The following MSRA variants were observed in gnomAD, a reference collection of about 807,000 sequenced individuals.
The protein encoded by MSRA is methionine sulfoxide reductase A, also known as mitochondrial peptide methionine sulfoxide reductase.
In MSRA, 54 loss-of-function variants were observed where a neutral mutation model predicts 31.3. That is an observed-to-expected ratio of 1.73 (90% CI 1.39 to 2.17). The LOEUF (loss-of-function observed/expected upper bound fraction) is 2.17, where lower values mean the gene tolerates loss of function less well. Ranked by LOEUF, MSRA falls within the 30% of genes most tolerant of loss-of-function variation. The pLI, the probability that MSRA is intolerant of heterozygous loss-of-function variation, is 0.00. For synonymous variants in MSRA, 169 were observed against 116.5 expected (o/e 1.45, Z -2.90); for missense variants, 507 against 300.9 (o/e 1.69, Z -5.07).
At chr8:10,118,849 A>G (rs1330533838) in intron 1 of MSRA, among the ~76,000 whole-genome samples, 1 of 152,192 alleles carries the variant, frequency 6.6e-6, no homozygotes, top group Non-Finnish European at 1.5e-5. Flanking sequence ...TTGTGCTAGA[A>G]CATGTAGGAT....
At chr8:10,298,893 T>A (rs1399705447) in intron 3 of MSRA, among the ~76,000 whole-genome samples, 1 of 152,160 alleles carries the variant, frequency 6.6e-6, no homozygotes, top group African/African-American at 2.4e-5. Context: ...TTAGTTGAAG[T>A]TATACCTTTG....
At chr8:10,222,251 T>C (rs1254175625) in intron 2 of MSRA, among the ~76,000 whole-genome samples, 1 of 152,198 alleles carries the variant, frequency 6.6e-6, no homozygotes, top group Admixed American at 6.5e-5. Context: ...TAGGCCTTTA[T>C]AGACCTTCTC....
intron 1 of MSRA, among the ~76,000 whole-genome samples, chr8:10,158,716 G>A (rs896339891): frequency 6.6e-6 from 1 of 152,126 alleles, no homozygotes; most frequent in Non-Finnish European, 1.5e-5. Context: ...TTTTTGTGTA[G>A]ACACGTTTTC....
At chr8:10,192,523 G>A (rs1807598106) in intron 1 of MSRA, among the ~76,000 whole-genome samples, 1 of 152,246 alleles carries the variant, frequency 6.6e-6, no homozygotes, top group East Asian at 1.9e-4. Flanking sequence ...CAATTGAACA[G>A]TGGTTGTTGT....
At chr8:10,402,485 A>G (rs1410412801) in intron 5 of MSRA, among the ~76,000 whole-genome samples, 2 of 152,216 alleles carry the variant, frequency 1.3e-5, no homozygotes, top group Non-Finnish European at 2.9e-5. Context: ...CTGAGGCTGC[A>G]TTTTGTGCAT....
rs148426332 is a variant in MSRA, at chr8:10,267,740, G to A, written c.331+22517G>A. ...CTTAGTCTCTCCCGACACCAATTTCGCTATCTGCCAGAAGGGGAAGAGTAT... is the reference window on the plus strand; with the variant it reads ...CTTAGTCTCTCCCGACACCAATTTCACTATCTGCCAGAAGGGGAAGAGTAT... On this transcript the variant is annotated intron_variant, in intron 3 of 5. Transcript: ENST00000317173. Among the ~76,000 whole-genome samples the A allele has an allele frequency of 6.9e-3, 1,045 of 152,248 alleles. 12 individuals are homozygous for A. The highest frequency in any genetic ancestry group is 0.012 in the South Asian group (60 of 4,824).
chr8:10,261,044 G>C (rs1798453115), intron 3 of MSRA, among the ~76,000 whole-genome samples: 1 of 152,056 alleles, frequency 6.6e-6, no homozygotes, highest in African/African-American at 2.4e-5. Context: ...ATACAAGATG[G>C]AGTTGTCATT....
chr8:10,413,420 G>GC (rs1808271351), intron 5 of MSRA, among the ~76,000 whole-genome samples: 1 of 152,214 alleles, frequency 6.6e-6, no homozygotes, highest in Non-Finnish European at 1.5e-5. Flanking sequence ...AGCAGCAGAA[G>GC]CAACACCACA....
intron 1 of MSRA, among the ~76,000 whole-genome samples, chr8:10,205,008 G>T (rs1808829986): frequency 1.3e-5 from 2 of 152,200 alleles, no homozygotes; most frequent in Non-Finnish European, 2.9e-5. Flanking sequence ...TGAGGGATCA[G>T]GGTGGCTGTG....
At chr8:10,188,629 TACAG>T (rs1257475901) in intron 1 of MSRA, among the ~76,000 whole-genome samples, 3 of 152,212 alleles carry the variant, frequency 2.0e-5, no homozygotes, top group Non-Finnish European at 4.4e-5. Flanking sequence ...CATTTAGATA[TACAG>T]TTGTTCCAGC....
chr8:10,222,386 G>C (rs769348943), intron 2 of MSRA, among the ~76,000 whole-genome samples: 1 of 152,184 alleles, frequency 6.6e-6, no homozygotes, highest in Non-Finnish European at 1.5e-5. Context: ...AAGTGTTGGT[G>C]AGGACTCTCA....
At chr8:10,275,156 GAAGAT>G (rs1799258069) in intron 3 of MSRA, among the ~76,000 whole-genome samples, 1 of 152,054 alleles carries the variant, frequency 6.6e-6, no homozygotes, top group Admixed American at 6.5e-5. Flanking sequence ...ATGTGCCAAA[GAAGAT>G]AAGAGTAATG....
At chr8:10,219,433 ATG>A in intron 2 of MSRA, among the ~76,000 whole-genome samples, 1 of 152,324 alleles carries the variant, frequency 6.6e-6, no homozygotes, top group East Asian at 1.9e-4. Context: ...CATCTCGTGT[ATG>A]TATTTTTGTA....
chr8:10,155,764 C>T (rs1015050301), intron 1 of MSRA, among the ~76,000 whole-genome samples: 7 of 152,096 alleles, frequency 4.6e-5, no homozygotes, highest in Admixed American at 2.0e-4. Context: ...TAAAAAAACC[C>T]ATATGAGTCC....
chr8:10,207,957 T>C, intron 2 of MSRA, 56 bp downstream of exon 2: 1 of 1,444,592 alleles, frequency 6.9e-7, no homozygotes, highest in Non-Finnish European at 9.5e-7. Context: ...TAGTGCCAAA[T>C]TTCTTAGTTT....
chr8:10,299,866 G>C (rs1468229118), intron 3 of MSRA, among the ~76,000 whole-genome samples: 1 of 152,156 alleles, frequency 6.6e-6, no homozygotes, highest in African/African-American at 2.4e-5. Context: ...CATTGATTTA[G>C]AAATTCCATT....
chr8:10,127,625 T>A (rs1366068809), intron 1 of MSRA, among the ~76,000 whole-genome samples: 1 of 152,230 alleles, frequency 6.6e-6, no homozygotes, highest in African/African-American at 2.4e-5. Context: ...GCTTACTATT[T>A]AACATCCAAT....
At chr8:10,283,836 T>TATATATATATATATACACACACAC (rs1261287031) in intron 3 of MSRA, among the ~76,000 whole-genome samples, 4 of 53,158 alleles carry the variant, frequency 7.5e-5, no homozygotes, top group East Asian at 8.5e-4. Flanking sequence ...TATATATATA[T>TATATATATATATATACACACACAC]ACACACACAC....
intron 3 of MSRA, among the ~76,000 whole-genome samples, chr8:10,256,147 C>T (rs1185715989): frequency 6.6e-6 from 1 of 152,142 alleles, no homozygotes; most frequent in Non-Finnish European, 1.5e-5. Context: ...CCCCCCCCAA[C>T]CCCTGGCAAC....
Sources: gnomAD v4.1 joint callset for allele counts (sites outside exome capture counted in the v4.1 genomes callset) on GRCh38, gnomAD v4.1.1 for gene constraint, MANE v1.5 for transcripts, NCBI Gene and HGNC (gene_info 2026-07-23, HGNC 2026-07-21) for gene names.